Variants in EPB41L2 observed in about 807,000 individuals in gnomAD.
EPB41L2 encodes the protein erythrocyte membrane protein band 4.1 like 2, also known as band 4.1-like protein 2.
In EPB41L2, 43 loss-of-function variants were observed where a neutral mutation model predicts 113.0. The observed-to-expected ratio is 0.38, with a 90% CI of 0.30 to 0.49. EPB41L2 has a LOEUF of 0.49. EPB41L2 is among the 20% of genes least tolerant of loss of function. EPB41L2 has a pLI of 0.95. For missense variants in EPB41L2, 1,147 were observed against 1,223.4 expected (o/e 0.94, Z 0.93); for synonymous variants, 442 against 436.7 (o/e 1.01, Z -0.15).
In EPB41L2 at chr6:131,000,230, C is replaced by A. The variant is rs567899359; in HGVS notation, c.-14-43731G>T. On this transcript the variant is annotated intron_variant, in intron 1 of 19. Transcript: ENST00000337057. ...CTTTACTAGACTGGGTAGGGAGGAT[C>A]TTCTTCCTTCACTGTTCAAGTTGGT... is the stretch of plus-strand genomic sequence containing the variant. Among the ~76,000 whole-genome samples, 21 of 151,986 alleles carry A rather than the reference C, an allele frequency of 1.4e-4. No individual in the cohort carries two copies. The South Asian group carries it at 4.4e-3, about 32-fold the overall frequency.
At chr6:131,056,183 A>C (rs1797550193) in intron 1 of EPB41L2, among the ~76,000 whole-genome samples, 1 of 152,240 alleles carries the variant, frequency 6.6e-6, no homozygotes, top group Admixed American at 6.5e-5. Context: ...AAGATTTATA[A>C]AGGTTACATT....
chr6:130,917,869 C>T (rs1010590510), intron 4 of EPB41L2, among the ~76,000 whole-genome samples: 1 of 152,212 alleles, frequency 6.6e-6, no homozygotes, highest in African/African-American at 2.4e-5. Context: ...GCCTTCCTCA[C>T]TTGCTTTAGG....
chr6:130,890,386 G>A lies in EPB41L2; in HGVS notation c.1568C>T (p.Ala523Val). 1 of 1,613,402 alleles carries A rather than the reference G, an allele frequency of 6.2e-7. No homozygotes were observed. Among genetic ancestry groups the A allele is most frequent in the Admixed American group, 1.7e-5 (1 of 59,942 alleles). Reference protein sequence around the residue: ...SKFRYSGRTQAQTRQASTLID... With the variant: ...SKFRYSGRTQVQTRQASTLID... The stretch of plus-strand genomic sequence containing the variant: ...GAGGGTGCTGGCCTGGCGGGTCTGT[G>A]CTTGGGTGCGGCCACTATAGCGAAA... The change falls in exon 11 of 20, where the codon GCA (alanine) becomes GTA (valine). Residue 523 changes from alanine to valine, a missense_variant. Ala to Val is a moderately conservative substitution (Grantham distance 64, BLOSUM62 0). Coordinates refer to ENST00000337057, the MANE Select transcript of EPB41L2 (RefSeq NM_001431.4).
intron 4 of EPB41L2, among the ~76,000 whole-genome samples, chr6:130,919,516 CCA>C (rs1802203602): frequency 2.4e-4 from 2 of 8,332 alleles, no homozygotes. Context: ...CCCCACTGTA[CCA>C]CTGTACCTAC....
At chr6:130,954,871 T>C (rs922848782) in intron 3 of EPB41L2, among the ~76,000 whole-genome samples, 1 of 152,174 alleles carries the variant, frequency 6.6e-6, no homozygotes, top group Admixed American at 6.5e-5. Context: ...CACCCAGTCA[T>C]TAACACACGA....
rs554619020 is a variant in EPB41L2, at chr6:131,040,590, C to T, written c.-15+22565G>A. Among the ~76,000 whole-genome samples, 5 of 152,246 alleles carry T rather than the reference C, an allele frequency of 3.3e-5. No individual in the cohort carries two copies. In the South Asian group the frequency reaches 1.0e-3, roughly 32 times the overall value. On this transcript the variant is annotated intron_variant, in intron 1 of 19. Coordinates refer to ENST00000337057, the MANE Select transcript of EPB41L2 (RefSeq NM_001431.4). ...GATACTAACACTATTATGTCAAAGA[C>T]GTCAAGGAACTAACTATTTGTATGG...
intron 1 of EPB41L2, among the ~76,000 whole-genome samples, chr6:130,999,977 A>C (rs937144964): frequency 4.6e-5 from 7 of 152,214 alleles, no homozygotes; most frequent in Non-Finnish European, 1.0e-4. Flanking sequence ...GAAATTAATT[A>C]GGTGATAAGC....
At chr6:130,944,162 T>TACACAC (rs537919934) in intron 3 of EPB41L2, among the ~76,000 whole-genome samples, 25,817 of 132,260 alleles carry the variant, frequency 0.2, 2,974 homozygotes, top group East Asian at 0.33. Context: ...TATACGTACA[T>TACACAC]ACACACACAT....
intron 8 of EPB41L2, among the ~76,000 whole-genome samples, chr6:130,895,977 GC>G (rs1470433069): frequency 6.6e-6 from 1 of 152,128 alleles, no homozygotes; most frequent in African/African-American, 2.4e-5. Context: ...AGGAGAGCTG[GC>G]TCTCATTCAA....
intron 16 of EPB41L2, among the ~76,000 whole-genome samples, chr6:130,866,358 C>T (rs1052917450): frequency 2.0e-5 from 3 of 152,204 alleles, no homozygotes; most frequent in African/African-American, 4.8e-5. Context: ...GTTAAGATCA[C>T]GAAACATATT....
At chr6:131,052,675 T>C (rs1035809934) in intron 1 of EPB41L2, among the ~76,000 whole-genome samples, 1 of 151,874 alleles carries the variant, frequency 6.6e-6, no homozygotes, top group African/African-American at 2.4e-5. Flanking sequence ...AAGTTGGAAA[T>C]TGGAAGAGAG....
chr6:130,857,224 T>C (rs1477376637), intron 19 of EPB41L2, among the ~76,000 whole-genome samples: 1 of 152,202 alleles, frequency 6.6e-6, no homozygotes, highest in Non-Finnish European at 1.5e-5. Flanking sequence ...AATTTATAGG[T>C]GAAAACTTGT....
intron 3 of EPB41L2, among the ~76,000 whole-genome samples, chr6:130,945,717 T>C (rs1259069962): frequency 6.6e-6 from 1 of 152,176 alleles, no homozygotes. Context: ...AATCTGAGAA[T>C]AGAAGAGAGG....
At chr6:130,947,416 T>C (rs1813316605) in intron 3 of EPB41L2, among the ~76,000 whole-genome samples, 1 of 152,116 alleles carries the variant, frequency 6.6e-6, no homozygotes, top group Admixed American at 6.5e-5. Context: ...AAACAATAAC[T>C]ACAGTCCTCT....
At chr6:130,928,511 T>C (rs1805575813) in intron 3 of EPB41L2, among the ~76,000 whole-genome samples, 1 of 152,262 alleles carries the variant, frequency 6.6e-6, no homozygotes, top group African/African-American at 2.4e-5. Flanking sequence ...AACTGATGTC[T>C]ACAAAAATAC....
At chr6:131,056,621 A>T (rs1210164604) in intron 1 of EPB41L2, among the ~76,000 whole-genome samples, 1 of 152,224 alleles carries the variant, frequency 6.6e-6, no homozygotes, top group Non-Finnish European at 1.5e-5. Flanking sequence ...ACCAGTAACC[A>T]ACCCACTAGG....
In EPB41L2 at chr6:130,901,110, C is replaced by A. The variant is rs778067595; in HGVS notation, c.1000G>T (p.Ala334Ser). 6.2e-7 allele frequency: 1 copy of A among 1,614,060 alleles called. No individual in the cohort carries two copies. The highest frequency in any genetic ancestry group is 8.5e-7 in the Non-Finnish European group (1 of 1,180,002). The change falls in exon 7 of 20, where the codon GCT (alanine) becomes TCT (serine). Residue 334 changes from alanine (A) to serine (S), a missense_variant. Ala to Ser is a moderately conservative substitution (Grantham distance 99). Transcript: ENST00000337057. ...TGCAGGGTGTAGGATCCCAGGAGAGCATGAGTCACAAAAGAGCAGGGCAGG... is the reference window on the plus strand; with the variant it reads ...TGCAGGGTGTAGGATCCCAGGAGAGAATGAGTCACAAAAGAGCAGGGCAGG... Reference protein sequence around the residue: ...GRLPCSFVTHALLGSYTLQAE... With the variant: ...GRLPCSFVTHSLLGSYTLQAE...
At chr6:131,014,634 G>A (rs1787777172) in intron 1 of EPB41L2, among the ~76,000 whole-genome samples, 2 of 152,162 alleles carry the variant, frequency 1.3e-5, no homozygotes, top group Admixed American at 1.3e-4. Flanking sequence ...CTGCAAACAA[G>A]TTCCAACAAT....
intron 3 of EPB41L2, among the ~76,000 whole-genome samples, chr6:130,949,766 AACAG>A (rs1168578294): frequency 6.6e-6 from 1 of 152,084 alleles, no homozygotes; most frequent in Non-Finnish European, 1.5e-5. Flanking sequence ...TCCACCAAGA[AACAG>A]ACAGCAAGAC....
Sources: gnomAD v4.1 joint callset for allele counts (sites outside exome capture counted in the v4.1 genomes callset) on GRCh38, gnomAD v4.1.1 for gene constraint, MANE v1.5 for transcripts, NCBI Gene and HGNC (gene_info 2026-07-23, HGNC 2026-07-21) for gene names.